Variants in CAMK1D observed in about 807,000 individuals in gnomAD.
The protein encoded by CAMK1D is calcium/calmodulin dependent protein kinase ID.
CAMK1D carries 9 observed loss-of-function variants against 47.7 expected under a neutral mutation model. That is an observed-to-expected ratio of 0.19 (90% CI 0.11 to 0.33). CAMK1D has a LOEUF of 0.33. Ranked by LOEUF, CAMK1D falls within the 10% of genes least tolerant of loss-of-function variation. The pLI is 1.00. For missense variants in CAMK1D, 291 were observed against 488.7 expected (o/e 0.60, Z 3.81); for synonymous variants, 184 against 184.9 (o/e 0.99, Z 0.04).
chr10:12,785,071 C>T lies in CAMK1D; in HGVS notation c.566-6087C>T, dbSNP rs553601427. On this transcript the variant is annotated intron_variant, in intron 5 of 10. Transcript: ENST00000619168. ...CCCAATGTGTGTCAACTGAGTACAG[C>T]CGCCCCCACGCTAACCCCACTCTCT... Among the ~76,000 whole-genome samples the T allele has an allele frequency of 2.6e-5, 4 of 152,142 alleles. No individual in the cohort carries two copies. The South Asian group carries it at 6.2e-4, about 24-fold the overall frequency.
chr10:12,579,813 C>G (rs2132335111), intron 2 of CAMK1D, among the ~76,000 whole-genome samples: 1 of 152,332 alleles, frequency 6.6e-6, no homozygotes. Flanking sequence ...GTTCACACTT[C>G]TTAAGCGAGA....
chr10:12,657,031 A>G (rs1386967165), intron 2 of CAMK1D, among the ~76,000 whole-genome samples: 5 of 152,344 alleles, frequency 3.3e-5, no homozygotes, highest in South Asian at 2.1e-4. Context: ...TGCTTGTGCA[A>G]TTCCACTAAT....
At chr10:12,513,788 G>C (rs1278155201) in intron 1 of CAMK1D, among the ~76,000 whole-genome samples, 4 of 152,136 alleles carry the variant, frequency 2.6e-5, no homozygotes, top group Non-Finnish European at 5.9e-5. Flanking sequence ...GTGACAGAGG[G>C]AGCCCCTGTC....
intron 2 of CAMK1D, among the ~76,000 whole-genome samples, chr10:12,570,310 C>T (rs767437603): frequency 6.6e-6 from 1 of 152,084 alleles, no homozygotes; most frequent in Non-Finnish European, 1.5e-5. Flanking sequence ...AGAAAGTCAC[C>T]TCACACCTCC....
chr10:12,378,380 G>A (rs1476162437), intron 1 of CAMK1D, among the ~76,000 whole-genome samples: 1 of 151,886 alleles, frequency 6.6e-6, no homozygotes, highest in African/African-American at 2.4e-5. Context: ...TGTGTAGCTG[G>A]GACCACAGGT....
chr10:12,726,332 G>C (rs965739207), intron 3 of CAMK1D, among the ~76,000 whole-genome samples: 2 of 152,036 alleles, frequency 1.3e-5, no homozygotes, highest in African/African-American at 4.8e-5. Flanking sequence ...GCTGAGGCAA[G>C]AGAATCACTT....
chr10:12,395,078 T>TAA (rs1250622031), intron 1 of CAMK1D, among the ~76,000 whole-genome samples: 1 of 145,416 alleles, frequency 6.9e-6, no homozygotes, highest in Non-Finnish European at 1.5e-5. Flanking sequence ...TTTTTTTTTT[T>TAA]TTTTTTTTGC....
At chr10:12,569,939 C>T (rs964985955) in intron 2 of CAMK1D, among the ~76,000 whole-genome samples, 6 of 152,020 alleles carry the variant, frequency 3.9e-5, no homozygotes, top group African/African-American at 1.2e-4. Flanking sequence ...TGGTGGCTCA[C>T]GCCTGTAATC....
At chr10:12,625,526 C>T (rs1444613451) in intron 2 of CAMK1D, among the ~76,000 whole-genome samples, 2 of 150,078 alleles carry the variant, frequency 1.3e-5, no homozygotes, top group Non-Finnish European at 3.0e-5. Flanking sequence ...TTTGTAGAGA[C>T]GGGTATGCTG....
intron 1 of CAMK1D, among the ~76,000 whole-genome samples, chr10:12,358,128 G>A (rs75827547): frequency 0.015 from 2,251 of 152,260 alleles, 27 homozygotes; most frequent in Non-Finnish European, 0.024. Flanking sequence ...GGGAGAATGA[G>A]GCAGAAGGAT....
intron 2 of CAMK1D, among the ~76,000 whole-genome samples, chr10:12,662,366 A>G (rs546994444): frequency 6.6e-6 from 1 of 152,288 alleles, no homozygotes; most frequent in East Asian, 1.9e-4. Flanking sequence ...AAGAAAGGAG[A>G]TTGTGGGCTG....
chr10:12,557,275 T>A (rs892904994), intron 2 of CAMK1D, among the ~76,000 whole-genome samples: 1 of 151,946 alleles, frequency 6.6e-6, no homozygotes, highest in African/African-American at 2.4e-5. Flanking sequence ...CCTGGCCGGG[T>A]GCCACGGCTC....
intron 3 of CAMK1D, among the ~76,000 whole-genome samples, chr10:12,678,514 T>C (rs1396131263): frequency 2.0e-5 from 3 of 152,228 alleles, no homozygotes; most frequent in South Asian, 2.1e-4. Context: ...TGTTCTCCAG[T>C]GTCATGCAGG....
chr10:12,455,161 G>C (rs934798818), intron 1 of CAMK1D, among the ~76,000 whole-genome samples: 3 of 152,100 alleles, frequency 2.0e-5, no homozygotes, highest in African/African-American at 7.2e-5. Flanking sequence ...CAAACCAATG[G>C]CTGGACCTTT....
chr10:12,546,141 T>C (rs1054133769), intron 1 of CAMK1D, among the ~76,000 whole-genome samples: 1 of 152,186 alleles, frequency 6.6e-6, no homozygotes, highest in Non-Finnish European at 1.5e-5. Context: ...GGTAATGACA[T>C]AATCAAATCT....
At chr10:12,673,421 A>T (rs1350252290) in intron 3 of CAMK1D, among the ~76,000 whole-genome samples, 1 of 152,002 alleles carries the variant, frequency 6.6e-6, no homozygotes, top group Non-Finnish European at 1.5e-5. Flanking sequence ...ATGGATCTTT[A>T]TTTCATTTTT....
intron 1 of CAMK1D, among the ~76,000 whole-genome samples, chr10:12,481,063 T>C (rs1447912948): frequency 1.3e-5 from 2 of 152,172 alleles, no homozygotes; most frequent in Admixed American, 6.5e-5. Context: ...ATAAAACTAA[T>C]GAAAGGCCAC....
At chr10:12,756,738 A>T (rs1265077465) in intron 3 of CAMK1D, among the ~76,000 whole-genome samples, 1 of 152,176 alleles carries the variant, frequency 6.6e-6, no homozygotes. Context: ...CATCCTGGCT[A>T]ACACGGTGAA....
At chr10:12,372,720 C>G (rs1406607243) in intron 1 of CAMK1D, among the ~76,000 whole-genome samples, 1 of 152,212 alleles carries the variant, frequency 6.6e-6, no homozygotes, top group African/African-American at 2.4e-5. Flanking sequence ...CCTCGACTTC[C>G]TGGATTCAGG....
Sources: allele counts gnomAD v4.1 joint callset (sites outside exome capture counted in the v4.1 genomes callset), GRCh38; gene constraint gnomAD v4.1.1; transcripts MANE v1.5; gene names NCBI Gene and HGNC (gene_info 2026-07-23, HGNC 2026-07-21).